The following CFAP299 variants were observed in gnomAD, a reference collection of about 807,000 sequenced individuals.
CFAP299 encodes the protein cilia and flagella associated protein 299, also known as cilia- and flagella-associated protein 299.
CFAP299 carries 21 observed loss-of-function variants against 27.0 expected under a neutral mutation model. That is an observed-to-expected ratio of 0.78 (90% CI 0.55 to 1.12). CFAP299 has a LOEUF of 1.12. CFAP299 is among the 50% of genes most tolerant of loss of function. CFAP299 has a pLI of 0.00. For synonymous variants in CFAP299, 104 were observed against 98.1 expected (o/e 1.06, Z -0.36); for missense variants, 310 against 276.6 (o/e 1.12, Z -0.86).
At chr4:80,718,328 G>A (rs868680305) in intron 3 of CFAP299, among the ~76,000 whole-genome samples, 6 of 151,958 alleles carry the variant, frequency 3.9e-5, no homozygotes, top group East Asian at 1.9e-4. Flanking sequence ...CTTTGGTATC[G>A]AATTATATTC....
At chr4:80,382,643 C>T (rs938111274) in intron 2 of CFAP299, among the ~76,000 whole-genome samples, 1 of 152,116 alleles carries the variant, frequency 6.6e-6, no homozygotes, top group Non-Finnish European at 1.5e-5. Context: ...GAGAATATCT[C>T]ACACAAGTCA....
intron 1 of CFAP299, among the ~76,000 whole-genome samples, chr4:80,339,264 C>T (rs765078392): frequency 1.1e-4 from 16 of 152,192 alleles, no homozygotes; most frequent in African/African-American, 1.4e-4. Context: ...GGATGCTTCA[C>T]GATCCCATGT....
chr4:80,438,482 G>A (rs567121440), intron 2 of CFAP299, among the ~76,000 whole-genome samples: 1 of 152,190 alleles, frequency 6.6e-6, no homozygotes, highest in Non-Finnish European at 1.5e-5. Context: ...TCATCTATTT[G>A]TGAGGATTAA....
intron 2 of CFAP299, among the ~76,000 whole-genome samples, chr4:80,432,081 A>G (rs1023280232): frequency 6.6e-6 from 1 of 152,254 alleles, no homozygotes; most frequent in South Asian, 2.1e-4. Flanking sequence ...ATAGATAGGA[A>G]AATCTAAAAG....
chr4:80,927,400 A>G (rs1270586353), intron 4 of CFAP299, among the ~76,000 whole-genome samples: 2 of 152,078 alleles, frequency 1.3e-5, no homozygotes, highest in African/African-American at 4.8e-5. Context: ...CCTTAAGGTA[A>G]CACCAAGACC....
chr4:80,346,512 C>T (rs914110694), intron 1 of CFAP299, among the ~76,000 whole-genome samples: 1 of 152,190 alleles, frequency 6.6e-6, no homozygotes, highest in African/African-American at 2.4e-5. Flanking sequence ...GTTTTCCCAG[C>T]ACCATTTATT....
At chr4:80,599,649 A>C (rs144613969) in intron 3 of CFAP299, among the ~76,000 whole-genome samples, 1 of 152,258 alleles carries the variant, frequency 6.6e-6, no homozygotes, top group East Asian at 1.9e-4. Flanking sequence ...ATGAGTACAA[A>C]TTCAAAACTC....
chr4:80,615,825 C>G (rs75617431), intron 3 of CFAP299, among the ~76,000 whole-genome samples: 6,510 of 152,224 alleles, frequency 0.043, 440 homozygotes, highest in African/African-American at 0.14. Flanking sequence ...AATTGAGGCA[C>G]TTCTATTAAA....
chr4:80,733,612 C>T (rs886395256), intron 3 of CFAP299, among the ~76,000 whole-genome samples: 1 of 151,956 alleles, frequency 6.6e-6, no homozygotes, highest in African/African-American at 2.4e-5. Flanking sequence ...CATTCCCTGC[C>T]TCCCACTACT....
At chr4:80,558,373 T>C (rs1192658579) in intron 2 of CFAP299, among the ~76,000 whole-genome samples, 6 of 149,904 alleles carry the variant, frequency 4.0e-5, no homozygotes, top group African/African-American at 1.5e-4. Context: ...TTTGTTTTTT[T>C]TTTGGCCAGG....
chr4:80,560,397 T>C (rs186872473), intron 2 of CFAP299, among the ~76,000 whole-genome samples: 1 of 152,062 alleles, frequency 6.6e-6, no homozygotes, highest in Admixed American at 6.5e-5. Context: ...CTATGGTGGC[T>C]ACAGGGCAAA....
At chr4:80,531,824 G>C (rs1733484850) in intron 2 of CFAP299, among the ~76,000 whole-genome samples, 1 of 150,036 alleles carries the variant, frequency 6.7e-6, no homozygotes, top group South Asian at 2.1e-4. Context: ...CACGATCTCG[G>C]CTCACTGCAA....
chr4:80,669,145 CTTTCTT>C (rs1390036400), intron 3 of CFAP299, among the ~76,000 whole-genome samples: 182 of 16,294 alleles, frequency 0.011, 2 homozygotes, highest in Admixed American at 0.035. Context: ...TTCTTTCTTT[CTTTCTT>C]TTTTTTTTTT....
chr4:80,688,649 A>G (rs1181399459), intron 3 of CFAP299, among the ~76,000 whole-genome samples: 2 of 152,222 alleles, frequency 1.3e-5, no homozygotes, highest in African/African-American at 4.8e-5. Context: ...TCCTCCTCCA[A>G]AGGAACGCAG....
intron 2 of CFAP299, among the ~76,000 whole-genome samples, chr4:80,436,353 C>CA (rs1728076535): frequency 1.4e-5 from 2 of 147,032 alleles, no homozygotes; most frequent in Non-Finnish European, 3.0e-5. Flanking sequence ...GGCTGGAGTG[C>CA]AGTGGCGCGA....
chr4:80,599,107 A>G (rs535769775), intron 3 of CFAP299, among the ~76,000 whole-genome samples: 1 of 152,286 alleles, frequency 6.6e-6, no homozygotes, highest in African/African-American at 2.4e-5. Flanking sequence ...TTAAGTATGC[A>G]TTTATTTCAG....
chr4:80,707,048 A>G (rs969279499), intron 3 of CFAP299, among the ~76,000 whole-genome samples: 4 of 151,934 alleles, frequency 2.6e-5, no homozygotes, highest in African/African-American at 9.7e-5. Flanking sequence ...TTATGTCAAG[A>G]CTTAAGCAAA....
intron 3 of CFAP299, among the ~76,000 whole-genome samples, chr4:80,781,321 G>C (rs539359575): frequency 3.6e-4 from 55 of 152,138 alleles, no homozygotes; most frequent in African/African-American, 1.3e-3. Context: ...CAATTTTAAA[G>C]TGACACTTCA....
intron 2 of CFAP299, among the ~76,000 whole-genome samples, chr4:80,461,192 G>A (rs1282166541): frequency 3.3e-5 from 5 of 152,182 alleles, no homozygotes; most frequent in African/African-American, 9.6e-5. Flanking sequence ...CAGGTAGCAG[G>A]CGTTAGAGCT....
Sources: gnomAD v4.1 joint callset for allele counts (sites outside exome capture counted in the v4.1 genomes callset) on GRCh38, gnomAD v4.1.1 for gene constraint, MANE v1.5 for transcripts, NCBI Gene and HGNC (gene_info 2026-07-23, HGNC 2026-07-21) for gene names.